The following TBX20 variants were observed in gnomAD, a reference collection of about 807,000 sequenced individuals.
TBX20 encodes T-box transcription factor TBX20.
TBX20 carries 8 observed loss-of-function variants against 42.9 expected under a neutral mutation model. The ratio of observed to expected loss-of-function variants is 0.19; its 90% CI spans 0.11 to 0.34. The LOEUF is 0.34. Ranked by LOEUF, TBX20 falls within the 10% of genes least tolerant of loss-of-function variation. The pLI is 1.00. For synonymous variants in TBX20, 198 were observed against 222.8 expected, an observed-to-expected ratio of 0.89 and a Z score of 0.99; for missense variants, 411 against 566.0, an observed-to-expected ratio of 0.73 and a Z score of 2.78.
At chr7:35,224,532 C>T (rs372280243) in intron 6 of TBX20, among the ~76,000 whole-genome samples, 5 of 152,146 alleles carry the variant, frequency 3.3e-5, no homozygotes, top group South Asian at 2.1e-4. Context: ...ATTAGCTGGA[C>T]GTGGTGGCAC....
At chr7:35,245,319 G>GGGGTGTGT (rs1554287407) in intron 3 of TBX20, among the ~76,000 whole-genome samples, 49 of 146,496 alleles carry the variant, frequency 3.3e-4, no homozygotes, top group African/African-American at 1.1e-3. Flanking sequence ...TGTTTAAAGG[G>GGGGTGTGT]GTGTGTGTGT....
chr7:35,253,612 G>T lies in TBX20; in HGVS notation c.9C>A (p.Phe3Leu), dbSNP rs1584361799. The change falls in exon 1 of 8, where the codon TTC becomes TTA. Residue 3 changes from phenylalanine to leucine, a missense_variant. Phe to Leu is a conservative substitution (Grantham distance 22). Around this residue, in one of 5 missense-constraint regions of TBX20, gnomAD observed 114 missense variants for 128.0 expected, o/e 0.89. Coordinates refer to ENST00000408931, the MANE Select transcript of TBX20 (RefSeq NM_001077653.2). ...AGAGTTGGGGCTTGGGGGACGCCGTGAACTCCATGGTCCCCAGCACGCGGT... is the reference window on the plus strand; with the variant it reads ...AGAGTTGGGGCTTGGGGGACGCCGTTAACTCCATGGTCCCCAGCACGCGGT... ME[F>L]TASPKPQLSS... 10 of 1,611,758 alleles carry T rather than the reference G, an allele frequency of 6.2e-6. No individual in the cohort carries two copies. Among genetic ancestry groups the T allele is most frequent in the Non-Finnish European group, 8.5e-6 (10 of 1,179,982 alleles).
intron 6 of TBX20, among the ~76,000 whole-genome samples, chr7:35,228,227 A>G (rs1789809213): frequency 6.6e-6 from 1 of 152,168 alleles, no homozygotes; most frequent in Non-Finnish European, 1.5e-5. Context: ...TCAGAAACCT[A>G]AACAACTAAT....
chr7:35,215,029 C>T (rs1789559021), intron 6 of TBX20, among the ~76,000 whole-genome samples: 3 of 152,102 alleles, frequency 2.0e-5, no homozygotes, highest in Admixed American at 2.0e-4. Flanking sequence ...CTCTAAAAAG[C>T]CCACTTAATA....
At chr7:35,220,297 A>C (rs1460736836) in intron 6 of TBX20, among the ~76,000 whole-genome samples, 2 of 152,138 alleles carry the variant, frequency 1.3e-5, no homozygotes, top group Non-Finnish European at 2.9e-5. Context: ...ACACAGCTGG[A>C]GTCTAGGAGG....
chr7:35,212,644 G>C (rs1041491932), intron 6 of TBX20, among the ~76,000 whole-genome samples: 1 of 152,008 alleles, frequency 6.6e-6, no homozygotes, highest in Non-Finnish European at 1.5e-5. Context: ...TTTAGTTGAG[G>C]GCTAATTCTT....
At chr7:35,202,878 G>A in intron 7 of TBX20, 108 bp from the exon 8 acceptor site, 1 of 1,536,640 alleles carries the variant, frequency 6.5e-7, no homozygotes, top group Non-Finnish European at 8.8e-7. Flanking sequence ...TAATACGTCT[G>A]TAATTTAGAA....
At chr7:35,251,994 G>A (rs1020195730) in intron 1 of TBX20, among the ~76,000 whole-genome samples, 36 of 152,222 alleles carry the variant, frequency 2.4e-4, no homozygotes, top group Admixed American at 1.5e-3. Flanking sequence ...TTGGAGTTGT[G>A]AGCTGGGCAT....
In TBX20 at chr7:35,248,846, C is replaced by CAGAG. The variant is rs147314121; in HGVS notation, c.381-9_381-6dup. The CAGAG allele has an allele frequency of 1.1e-5, 16 of 1,517,602 alleles. No individual in the cohort carries two copies. Among genetic ancestry groups the CAGAG allele is most frequent in the South Asian group, 1.1e-4 (9 of 85,394 alleles). The allele number at this position is 1,517,602 out of a possible 1,614,324, so 94.0% of individuals were successfully genotyped here. On this transcript the variant is annotated splice_region_variant and splice_polypyrimidine_tract_variant and intron_variant, in intron 2 of 7. Transcript: ENST00000408931. The stretch of plus-strand genomic sequence containing the variant: ...CGGATGGTTGGAAACATCCTCCTGA[C>CAGAG]AGAGAGAGAGAGAGAGAATGGGCCC...
chr7:35,248,359 G>C (rs1405943206), intron 3 of TBX20, among the ~76,000 whole-genome samples: 1 of 152,158 alleles, frequency 6.6e-6, no homozygotes, highest in African/African-American at 2.4e-5. Flanking sequence ...AATTAGAGAG[G>C]ATGTCTATAT....
intron 5 of TBX20, among the ~76,000 whole-genome samples, chr7:35,231,818 C>T (rs1196984955): frequency 6.6e-6 from 1 of 151,986 alleles, no homozygotes; most frequent in Non-Finnish European, 1.5e-5. Flanking sequence ...CAGATAGATA[C>T]AATTAGGGAA....
In TBX20 at chr7:35,253,664, C is replaced by A. The variant is rs1361703299; in HGVS notation, c.-44G>T. The A allele has an allele frequency of 6.3e-7, 1 of 1,599,056 alleles. No homozygotes were observed. The highest frequency in any genetic ancestry group is 1.1e-5 in the South Asian group (1 of 90,498). On this transcript the variant is annotated 5_prime_UTR_variant, in exon 1 of 8. Transcript: ENST00000408931. The stretch of plus-strand genomic sequence containing the variant: ...CTGGCCAGGGACGGGGTCGTCCGAA[C>A]TGCCGTCCAGATTCCCCAAGGGAGA...
At chr7:35,219,019 T>C (rs927493513) in intron 6 of TBX20, among the ~76,000 whole-genome samples, 3 of 152,190 alleles carry the variant, frequency 2.0e-5, no homozygotes, top group Non-Finnish European at 4.4e-5. Context: ...AAGAAATAAA[T>C]GTTGTTTATA....
chr7:35,248,406 A>G (rs1412218408), intron 3 of TBX20, among the ~76,000 whole-genome samples: 1 of 152,242 alleles, frequency 6.6e-6, no homozygotes, highest in African/African-American at 2.4e-5. Context: ...TTTCTAATGA[A>G]TACTCAAATT....
chr7:35,205,284 CCAAA>C (rs1285462103), intron 6 of TBX20, among the ~76,000 whole-genome samples: 2 of 151,598 alleles, frequency 1.3e-5, no homozygotes, highest in African/African-American at 2.4e-5. Flanking sequence ...AGTCTATCAA[CCAAA>C]CAGTGAGGTT....
At chr7:35,215,827 G>C (rs1789579909) in intron 6 of TBX20, among the ~76,000 whole-genome samples, 1 of 152,038 alleles carries the variant, frequency 6.6e-6, no homozygotes, top group African/African-American at 2.4e-5. Flanking sequence ...TGATTATCCT[G>C]CTCTGCCAAA....
intron 5 of TBX20, among the ~76,000 whole-genome samples, chr7:35,238,249 T>C (rs1213957636): frequency 6.6e-6 from 1 of 152,194 alleles, no homozygotes; most frequent in Non-Finnish European, 1.5e-5. Context: ...GACCCTCCTA[T>C]GATATGAGAG....
intron 5 of TBX20, among the ~76,000 whole-genome samples, chr7:35,237,158 G>A (rs1266117245): frequency 6.6e-6 from 1 of 152,156 alleles, no homozygotes; most frequent in African/African-American, 2.4e-5. Context: ...TTGGGTGAAT[G>A]TCTTAACCAT....
At chr7:35,215,745 A>G (rs1789578202) in intron 6 of TBX20, among the ~76,000 whole-genome samples, 1 of 152,134 alleles carries the variant, frequency 6.6e-6, no homozygotes, top group African/African-American at 2.4e-5. Flanking sequence ...GTAACCATCA[A>G]TTTCAGAAAT....
Sources: gnomAD v4.1 joint callset for allele counts (sites outside exome capture counted in the v4.1 genomes callset) on GRCh38, gnomAD v4.1.1 for gene constraint, gnomAD v4.1.1 regional missense constraint, MANE v1.5 for transcripts, NCBI Gene and HGNC (gene_info 2026-07-23, HGNC 2026-07-21) for gene names.